The following CDH13 variants were observed in gnomAD, a reference collection of about 807,000 sequenced individuals.
CDH13 encodes the protein cadherin 13, also known as cadherin-13.
CDH13 carries 24 observed loss-of-function variants against 63.8 expected under a neutral mutation model. The observed-to-expected ratio is 0.38, with a 90% CI of 0.27 to 0.53. CDH13 has a LOEUF of 0.53. Ranked by LOEUF, CDH13 falls within the 20% of genes least tolerant of loss-of-function variation. The pLI is 0.85. For missense variants in CDH13, 1,049 were observed against 903.1 expected (o/e 1.16, Z -2.07); for synonymous variants, 503 against 355.3 (o/e 1.42, Z -4.67).
intron 3 of CDH13, among the ~76,000 whole-genome samples, chr16:83,101,457 A>T (rs1361155121): frequency 6.6e-6 from 1 of 151,124 alleles, no homozygotes; most frequent in African/African-American, 2.4e-5. Context: ...AGAGTAAAAT[A>T]AAGCACAGGA....
At chr16:83,174,556 A>G (rs950848868) in intron 4 of CDH13, among the ~76,000 whole-genome samples, 4 of 152,070 alleles carry the variant, frequency 2.6e-5, no homozygotes, top group African/African-American at 7.2e-5. Flanking sequence ...AGCTCAATTC[A>G]GGTTCCAAAC....
At chr16:82,864,746 C>T (rs1567612324) in intron 2 of CDH13, among the ~76,000 whole-genome samples, 3 of 152,122 alleles carry the variant, frequency 2.0e-5, no homozygotes, top group Admixed American at 1.3e-4. Context: ...ATCTCATGTC[C>T]CTTTCACATT....
At chr16:83,582,640 C>T (rs557422317) in intron 7 of CDH13, among the ~76,000 whole-genome samples, 1 of 152,256 alleles carries the variant, frequency 6.6e-6, no homozygotes, top group South Asian at 2.1e-4. Context: ...GGAGTGGAGA[C>T]ATTCACTTCC....
chr16:83,433,220 C>T (rs1379040515), intron 6 of CDH13, among the ~76,000 whole-genome samples: 1 of 152,196 alleles, frequency 6.6e-6, no homozygotes, highest in Non-Finnish European at 1.5e-5. Flanking sequence ...CCTGAGTTCT[C>T]GTCCTGGCTC....
intron 6 of CDH13, among the ~76,000 whole-genome samples, chr16:83,480,734 A>C (rs546168008): frequency 6.6e-6 from 1 of 152,204 alleles, no homozygotes; most frequent in South Asian, 2.1e-4. Flanking sequence ...TCCTGGGAGA[A>C]CTATCTGGTT....
chr16:83,268,122 CAG>C (rs2151842660), intron 5 of CDH13, among the ~76,000 whole-genome samples: 1 of 152,294 alleles, frequency 6.6e-6, no homozygotes, highest in South Asian at 2.1e-4. Context: ...GATATTAACT[CAG>C]TGGTAGGACC....
In CDH13 at chr16:83,741,337, CCTA is replaced by C. The variant is rs201751803; in HGVS notation, c.1539-6768_1539-6766del. ...AATTAAATAGGGTGTGAAGAATTCC[CCTA>C]CTGTTTCCCTTCTTTCCTACAGTTT... is the stretch of plus-strand genomic sequence containing the variant. On this transcript the variant is annotated intron_variant, in intron 10 of 13. Coordinates refer to ENST00000567109, the MANE Select transcript of CDH13 (RefSeq NM_001257.5). Among the ~76,000 whole-genome samples, 614 of 152,174 alleles carry C rather than the reference CCTA, an allele frequency of 4.0e-3. 16 individuals are homozygous for C. In the East Asian group the frequency reaches 0.044, roughly 11 times the overall value.
At chr16:83,657,041 G>T (rs910762260) in intron 8 of CDH13, among the ~76,000 whole-genome samples, 11 of 152,176 alleles carry the variant, frequency 7.2e-5, no homozygotes, top group African/African-American at 2.7e-4. Context: ...AGGGCACTCA[G>T]TTGGGCTTCA....
intron 11 of CDH13, among the ~76,000 whole-genome samples, chr16:83,750,025 C>T (rs927832514): frequency 1.3e-5 from 2 of 152,078 alleles, no homozygotes; most frequent in Admixed American, 6.6e-5. Context: ...TGGCTGGGCA[C>T]GGTGGCTCAT....
intron 7 of CDH13, among the ~76,000 whole-genome samples, chr16:83,512,735 C>G (rs1047598159): frequency 2.6e-5 from 4 of 151,564 alleles, no homozygotes; most frequent in Admixed American, 2.0e-4. Flanking sequence ...GGAATATGTT[C>G]TACATGAGCT....
At chr16:83,329,409 T>G in intron 5 of CDH13, among the ~76,000 whole-genome samples, 1 of 151,640 alleles carries the variant, frequency 6.6e-6, no homozygotes, top group African/African-American at 2.4e-5. Flanking sequence ...TATTTTTTTT[T>G]TTTTTTTAGT....
chr16:83,273,397 T>C (rs920640614), intron 5 of CDH13, among the ~76,000 whole-genome samples: 4 of 152,044 alleles, frequency 2.6e-5, no homozygotes, highest in Non-Finnish European at 1.5e-5. Context: ...TATGAGTGAG[T>C]ACTCATAGAC....
intron 1 of CDH13, among the ~76,000 whole-genome samples, chr16:82,788,897 T>C (rs917330118): frequency 4.6e-5 from 7 of 152,170 alleles, no homozygotes; most frequent in Non-Finnish European, 8.8e-5. Flanking sequence ...GGATCAACTT[T>C]TGTAGGAAGA....
chr16:83,384,509 C>G (rs960112850), intron 6 of CDH13, among the ~76,000 whole-genome samples: 1 of 152,232 alleles, frequency 6.6e-6, no homozygotes, highest in African/African-American at 2.4e-5. Flanking sequence ...GGAATCAACA[C>G]CTTGAGCTGC....
intron 13 of CDH13, among the ~76,000 whole-genome samples, chr16:83,784,845 G>C (rs971371811): frequency 2.6e-5 from 4 of 152,030 alleles, no homozygotes; most frequent in African/African-American, 9.7e-5. Context: ...GAGTCTAAGG[G>C]TCCAACACTT....
rs2033183201 is a variant in CDH13 at position 83,080,871 on chromosome 16, G to GGTTTTTTTTTTTT, written c.367-44514_367-44513insGTTTTTTTTTTTT. On this transcript the variant is annotated intron_variant, in intron 3 of 13. Coordinates refer to ENST00000567109, the MANE Select transcript of CDH13 (RefSeq NM_001257.5). ...AGATAGAGTTTTGTTTTGTTTTTGT[G>GGTTTTTTTTTTTT]TTTTTTTTTTTTTTTTTTTTTTTTT... Among the ~76,000 whole-genome samples, 11 of 46,956 alleles carry GGTTTTTTTTTTTT rather than the reference G, an allele frequency of 2.3e-4. 1 individual carries two copies. Among genetic ancestry groups the GGTTTTTTTTTTTT allele is most frequent in the African/African-American group, 1.0e-3 (11 of 10,816 alleles). The allele number at this position is 46,956 out of a possible 152,430, so 30.8% of individuals were successfully genotyped here. A position where few individuals can be genotyped will look rare whatever the true frequency, so the allele number is the denominator to read the frequency against.
intron 2 of CDH13, among the ~76,000 whole-genome samples, chr16:82,937,438 G>GACACACACACAC (rs10626791): frequency 6.8e-6 from 1 of 146,858 alleles, no homozygotes; most frequent in African/African-American, 2.5e-5. Context: ...CACACACACA[G>GACACACACACAC]ACACACACAC....
At chr16:83,052,346 A>G (rs2030429011) in intron 3 of CDH13, among the ~76,000 whole-genome samples, 1 of 152,250 alleles carries the variant, frequency 6.6e-6, no homozygotes. Flanking sequence ...AAGATTAACA[A>G]TTCAGGTTCA....
In CDH13 at chr16:83,657,948, A is replaced by G. The variant is rs1406876507; in HGVS notation, c.1102-12842A>G. Reference sequence around the variant, plus strand: ...CCATGTCCCCACCACCAGGTCCCATATCCTCACCAGCAAGGTCTCATGTCC... The same window carrying G: ...CCATGTCCCCACCACCAGGTCCCATGTCCTCACCAGCAAGGTCTCATGTCC... On this transcript the variant is annotated intron_variant, in intron 8 of 13. Coordinates refer to ENST00000567109, the MANE Select transcript of CDH13 (RefSeq NM_001257.5). Among the ~76,000 whole-genome samples the G allele has an allele frequency of 4.3e-3, 602 of 140,282 alleles. 2 individuals are homozygous for G. Among genetic ancestry groups the G allele is most frequent in the African/African-American group, 0.016 (572 of 34,790 alleles). 92.0% of individuals were successfully genotyped at this position (140,282 alleles called of 152,430 possible).
Sources: allele counts gnomAD v4.1 joint callset (sites outside exome capture counted in the v4.1 genomes callset), GRCh38; gene constraint gnomAD v4.1.1; transcripts MANE v1.5; gene names NCBI Gene and HGNC (gene_info 2026-07-23, HGNC 2026-07-21).